FAM193A: variants seen among roughly 807,000 people sequenced by gnomAD.
FAM193A encodes family with sequence similarity 193 member A, also known as protein FAM193A.
A neutral mutation model predicts 126.5 loss-of-function variants in FAM193A; 22 were observed. The observed-to-expected ratio is 0.17, with a 90% CI of 0.12 to 0.25. The LOEUF (loss-of-function observed/expected upper bound fraction) is 0.25, where lower values mean the gene tolerates loss of function less well. Among genes scored for constraint, FAM193A ranks in the 10% least tolerant of loss-of-function variants. The pLI, the probability that FAM193A is intolerant of heterozygous loss-of-function variation, is 1.00. For synonymous variants in FAM193A, 761 were observed against 646.8 expected, an observed-to-expected ratio of 1.18 and a Z score of -2.68; for missense variants, 1,675 against 1,672.8, an observed-to-expected ratio of 1.00 and a Z score of -0.02.
chr4:2,625,509 G>C (rs1027278839), intron 3 of FAM193A, 114 bp downstream of exon 3: 11 of 538,446 alleles, frequency 2.0e-5, no homozygotes, highest in Non-Finnish European at 3.4e-5. Flanking sequence ...CAAGAGTAAG[G>C]CAGTTGCTTC....
chr4:2,597,881 C>T (rs893805541), intron 2 of FAM193A, among the ~76,000 whole-genome samples: 6 of 152,156 alleles, frequency 3.9e-5, no homozygotes, highest in African/African-American at 1.2e-4. Flanking sequence ...TCCCTTCCCC[C>T]GTCCTAGCCT....
At chr4:2,557,310 A>T (rs940980377) in intron 1 of FAM193A, among the ~76,000 whole-genome samples, 4 of 152,134 alleles carry the variant, frequency 2.6e-5, no homozygotes, top group Non-Finnish European at 5.9e-5. Context: ...GATGAGGGCG[A>T]TGAGGGCATA....
chr4:2,720,664 AC>A lies in FAM193A; in HGVS notation c.4454+4561del, dbSNP rs1264191586. ...ACTCTGTCTAAAAAAAAAAAAAAAA[AC>A]AGTTATTTTTCTCTATACCCACACC... On this transcript the variant is annotated intron_variant, in intron 20 of 20. Transcript: ENST00000637812. Among the ~76,000 whole-genome samples, 83 of 149,654 alleles carry A rather than the reference AC, an allele frequency of 5.5e-4. 1 individual carries two copies. The highest frequency in any genetic ancestry group is 3.9e-4 in the Non-Finnish European group (26 of 67,154).
rs1491485597 is a variant in FAM193A, at chr4:2,728,895, A to ATTTTTTT, written c.4455-2880_4455-2879insTTTTTTT. Among the ~76,000 whole-genome samples the ATTTTTTT allele has an allele frequency of 8.5e-5, 9 of 105,710 alleles. 2 individuals carry two copies. Among genetic ancestry groups the ATTTTTTT allele is most frequent in the South Asian group, 5.3e-4 (2 of 3,772 alleles). 69.3% of individuals were successfully genotyped at this position (105,710 alleles called of 152,430 possible). A position where few individuals can be genotyped will look rare whatever the true frequency, so the allele number is the denominator to read the frequency against. On this transcript the variant is annotated intron_variant, in intron 20 of 20. Transcript: ENST00000637812. ...TAAGCAAATATGTTCCACCTCCAAA[A>ATTTTTTT]CTTTTTTTTTTTTTTTTTTTTTTTT...
chr4:2,552,058 C>T (rs1378543123), intron 1 of FAM193A, among the ~76,000 whole-genome samples: 2 of 149,924 alleles, frequency 1.3e-5, no homozygotes, highest in Non-Finnish European at 3.0e-5. Flanking sequence ...GTCGCCCAGC[C>T]TGGAGTGCAG....
chr4:2,655,268 G>T, intron 7 of FAM193A: 1 of 458,176 alleles, frequency 2.2e-6, no homozygotes, highest in East Asian at 3.1e-5. Context: ...CAAAATTGAT[G>T]GTATGATTTT....
chr4:2,639,634 G>T (rs1744409089), intron 5 of FAM193A, 101 bp from the exon 6 acceptor site: 1 of 862,970 alleles, frequency 1.2e-6, no homozygotes, highest in Non-Finnish European at 1.8e-6. Context: ...TGTGTGCGTG[G>T]TGGGGGGAAA....
chr4:2,690,051 C>G (rs1038498231), intron 14 of FAM193A, among the ~76,000 whole-genome samples: 1 of 152,206 alleles, frequency 6.6e-6, no homozygotes, highest in African/African-American at 2.4e-5. Flanking sequence ...AGACCTCAGC[C>G]CCCCCGGTGC....
chr4:2,587,561 G>T (rs150193933), intron 1 of FAM193A, among the ~76,000 whole-genome samples: 4,555 of 152,240 alleles, frequency 0.03, 238 homozygotes, highest in African/African-American at 0.1. Flanking sequence ...GCATGGTGGT[G>T]CATGCCTGTA....
chr4:2,596,359 G>A (rs970215405), intron 2 of FAM193A, 30 bp downstream of exon 2: 2 of 694,780 alleles, frequency 2.9e-6, no homozygotes, highest in South Asian at 3.0e-5. Flanking sequence ...GGCAGCGCAG[G>A]GCGTTGGCTC....
intron 18 of FAM193A, among the ~76,000 whole-genome samples, chr4:2,697,213 A>G (rs988835786): frequency 2.6e-5 from 4 of 152,142 alleles, no homozygotes; most frequent in African/African-American, 7.2e-5. Flanking sequence ...AACGTTAGCC[A>G]GTCATGGTGG....
At chr4:2,708,197 C>T (rs1246936840) in intron 19 of FAM193A, 3 of 445,960 alleles carry the variant, frequency 6.7e-6, no homozygotes, top group Admixed American at 2.4e-5. Flanking sequence ...GCAATCTTGG[C>T]TCACTGCAAC....
At chr4:2,725,499 GA>G (rs1271998854) in intron 20 of FAM193A, among the ~76,000 whole-genome samples, 1 of 147,762 alleles carries the variant, frequency 6.8e-6, no homozygotes, top group Admixed American at 6.7e-5. Flanking sequence ...GAGAGGCAGT[GA>G]AATGTGAGAG....
intron 2 of FAM193A, among the ~76,000 whole-genome samples, chr4:2,617,358 C>T (rs554397555): frequency 2.1e-4 from 28 of 136,152 alleles, no homozygotes; most frequent in East Asian, 6.7e-4. Context: ...CTCTGCCTCC[C>T]GAGTTCAAGC....
intron 1 of FAM193A, among the ~76,000 whole-genome samples, chr4:2,590,134 CAAAA>C (rs373845579): frequency 1.9e-5 from 2 of 106,548 alleles, no homozygotes; most frequent in Non-Finnish European, 1.9e-5. Context: ...GACTCTGTCT[CAAAA>C]AAAAAAAAAA....
chr4:2,614,186 A>C (rs1326779036), intron 2 of FAM193A, among the ~76,000 whole-genome samples: 1 of 152,142 alleles, frequency 6.6e-6, no homozygotes, highest in Non-Finnish European at 1.5e-5. Context: ...TAGTTTTTCC[A>C]ATGTGAGATT....
chr4:2,703,556 T>C (rs1412850819), intron 19 of FAM193A, among the ~76,000 whole-genome samples: 2 of 152,308 alleles, frequency 1.3e-5, no homozygotes, highest in East Asian at 3.9e-4. Context: ...CTCAATGCTT[T>C]GTTTTAATCA....
At chr4:2,691,365 A>G (rs1716358768) in intron 15 of FAM193A, among the ~76,000 whole-genome samples, 1 of 152,170 alleles carries the variant, frequency 6.6e-6, no homozygotes, top group Non-Finnish European at 1.5e-5. Context: ...ATAGGTGCCC[A>G]CCACCACGCA....
intron 1 of FAM193A, among the ~76,000 whole-genome samples, chr4:2,545,877 C>G (rs369922820): frequency 6.6e-6 from 1 of 152,014 alleles, no homozygotes; most frequent in East Asian, 1.9e-4. Context: ...AGGCCAGGTG[C>G]GGTGGCTCAC....
Sources: allele counts gnomAD v4.1 joint callset (sites outside exome capture counted in the v4.1 genomes callset), GRCh38; gene constraint gnomAD v4.1.1; transcripts MANE v1.5; gene names NCBI Gene and HGNC (gene_info 2026-07-23, HGNC 2026-07-21).